The following BTBD7 variants were observed in gnomAD, a reference collection of about 807,000 sequenced individuals.
BTBD7 encodes the protein BTB domain containing 7, also known as BTB/POZ domain-containing protein 7.
In BTBD7, 38 loss-of-function variants were observed where a neutral mutation model predicts 99.9. The ratio of observed to expected loss-of-function variants is 0.38; its 90% CI spans 0.29 to 0.50. The LOEUF is 0.50. BTBD7 is among the 20% of genes least tolerant of loss of function. BTBD7 has a pLI of 0.93. For missense variants in BTBD7, 1,170 were observed against 1,394.6 expected (o/e 0.84, Z 2.57); for synonymous variants, 520 against 511.4 (o/e 1.02, Z -0.23).
chr14:93,318,348 G>C (rs545921260), intron 1 of BTBD7, among the ~76,000 whole-genome samples: 1 of 152,154 alleles, frequency 6.6e-6, no homozygotes, highest in Non-Finnish European at 1.5e-5. Context: ...AGGCATGAGG[G>C]GGGCTTTTGG....
chr14:93,305,940 AG>A (rs1196841605), intron 1 of BTBD7, among the ~76,000 whole-genome samples: 1 of 152,322 alleles, frequency 6.6e-6, no homozygotes, highest in East Asian at 1.9e-4. Context: ...TAAAGCCACC[AG>A]CCCCATTATG....
In BTBD7 at chr14:93,245,897, C is replaced by T. The variant is rs370817738; in HGVS notation, c.2511G>A (p.Thr837=). 1.1e-5 allele frequency: 18 copies of T among 1,613,870 alleles called. No individual in the cohort carries two copies. Among genetic ancestry groups the T allele is most frequent in the African/African-American group, 4.0e-5 (3 of 74,910 alleles). The part of the protein sequence containing the change: ...CTSTAGLGRQ[T]VAAAAATTTS... Reference sequence around the variant, plus strand: ...TGGTGGTGGCGGCAGCAGCAGCCACCGTCTGTCTGCCCAGTCCTGCAGTGC... The same window carrying T: ...TGGTGGTGGCGGCAGCAGCAGCCACTGTCTGTCTGCCCAGTCCTGCAGTGC... Residue 837 remains threonine, a synonymous_variant, in exon 10 of 11, where the codon ACG becomes ACA. Transcript: ENST00000334746.
chr14:93,243,237 G>A (rs753794033), intron 10 of BTBD7, 149 bp from the exon 11 acceptor site: 14 of 729,486 alleles, frequency 1.9e-5, no homozygotes, highest in East Asian at 5.4e-5. Flanking sequence ...TCTGTCGCCC[G>A]GGCTGGAGTG....
At chr14:93,324,325 A>G (rs2053302940) in intron 1 of BTBD7, among the ~76,000 whole-genome samples, 1 of 151,922 alleles carries the variant, frequency 6.6e-6, no homozygotes, top group South Asian at 2.1e-4. Flanking sequence ...CAGAAGCCTG[A>G]AGCAGGAGGA....
chr14:93,285,482 CAA>C (rs1272218460), intron 3 of BTBD7, among the ~76,000 whole-genome samples: 1 of 152,084 alleles, frequency 6.6e-6, no homozygotes, highest in East Asian at 1.9e-4. Flanking sequence ...GATGAAAAAA[CAA>C]AATCTGCAGT....
intron 3 of BTBD7, among the ~76,000 whole-genome samples, chr14:93,268,274 G>A (rs568260021): frequency 2.0e-5 from 3 of 152,240 alleles, no homozygotes; most frequent in East Asian, 1.9e-4. Context: ...CCTTAGGTCA[G>A]GTGTTCCTCC....
intron 5 of BTBD7, among the ~76,000 whole-genome samples, chr14:93,259,254 A>T (rs553019716): frequency 3.0e-4 from 45 of 152,316 alleles, no homozygotes; most frequent in African/African-American, 1.0e-3. Context: ...CACAACCAAC[A>T]GCACTGTAAC....
At chr14:93,274,903 T>C (rs1344598705) in intron 3 of BTBD7, among the ~76,000 whole-genome samples, 22 of 152,178 alleles carry the variant, frequency 1.4e-4, no homozygotes, top group Non-Finnish European at 7.4e-5. Flanking sequence ...AGACTTTCAT[T>C]TAAAAAAATT....
intron 3 of BTBD7, among the ~76,000 whole-genome samples, chr14:93,292,028 A>G (rs2052862477): frequency 6.6e-6 from 1 of 152,092 alleles, no homozygotes; most frequent in South Asian, 2.1e-4. Context: ...CTCTACTAAA[A>G]ATACAGAAAT....
intron 1 of BTBD7, among the ~76,000 whole-genome samples, chr14:93,321,070 A>C (rs1217201088): frequency 1.3e-5 from 2 of 152,256 alleles, no homozygotes; most frequent in Non-Finnish European, 2.9e-5. Context: ...ATGAGCTTGT[A>C]ACCATGATTA....
At chr14:93,305,290 G>T (rs557531814) in intron 1 of BTBD7, among the ~76,000 whole-genome samples, 2 of 152,188 alleles carry the variant, frequency 1.3e-5, no homozygotes, top group Non-Finnish European at 2.9e-5. Context: ...GCTATTTAAA[G>T]AATCTTTGTT....
rs2052299902 is a variant in BTBD7, at chr14:93,245,932, C to T, written c.2476G>A (p.Asp826Asn). 6.2e-7 allele frequency: 1 copy of T among 1,614,154 alleles called. No individual in the cohort carries two copies. The highest frequency in any genetic ancestry group is 1.1e-5 in the South Asian group (1 of 91,070). The change falls in exon 10 of 11, where the codon GAT becomes AAT. Residue 826 changes from aspartate to asparagine, a missense_variant. Asp to Asn is a conservative substitution (Grantham distance 23). This residue lies in a region of BTBD7 where 495 missense variants were observed against 525.9 expected (regional missense o/e 0.94). Transcript: ENST00000334746. ...CCCAGTCCTGCAGTGCTGGTACAATCAGGCGGTGCAGCTTTCACACTCGGC... is the reference window on the plus strand; with the variant it reads ...CCCAGTCCTGCAGTGCTGGTACAATTAGGCGGTGCAGCTTTCACACTCGGC... The part of the protein sequence containing the change: ...YLPSVKAAPP[D>N]CTSTAGLGRQ...
intron 8 of BTBD7, among the ~76,000 whole-genome samples, chr14:93,251,124 G>A (rs538992271): frequency 6.6e-6 from 1 of 152,160 alleles, no homozygotes; most frequent in Non-Finnish European, 1.5e-5. Context: ...GCACATATGT[G>A]CTCCTAGCAT....
At chr14:93,283,773 A>G (rs2052747981) in intron 3 of BTBD7, among the ~76,000 whole-genome samples, 1 of 152,204 alleles carries the variant, frequency 6.6e-6, no homozygotes, top group Non-Finnish European at 1.5e-5. Context: ...GCTGGTCTCG[A>G]ACTCCTGGCC....
At chr14:93,249,464 C>T (rs2052348313) in intron 8 of BTBD7, among the ~76,000 whole-genome samples, 1 of 151,980 alleles carries the variant, frequency 6.6e-6, no homozygotes, top group Admixed American at 6.6e-5. Flanking sequence ...TAAATTGTAC[C>T]CTGTGCACAA....
At chr14:93,293,792 G>C in intron 3 of BTBD7, 66 bp downstream of exon 3, 1 of 1,521,182 alleles carries the variant, frequency 6.6e-7, no homozygotes, top group Non-Finnish European at 8.8e-7. Flanking sequence ...TATACTGGTT[G>C]TGTTTTCAAT....
Position 93,242,369 on chromosome 14 carries a change from A to C in BTBD7, c.3303T>G (p.Ala1101=), listed in dbSNP as rs556897574. 75 of 1,614,110 alleles carry C rather than the reference A, an allele frequency of 4.6e-5. 2 individuals carry two copies. The South Asian group carries it at 7.5e-4, about 16-fold the overall frequency. The change falls in exon 11 of 11, where the codon GCT becomes GCG. Residue 1101 remains alanine (A), a synonymous_variant. Transcript: ENST00000334746. The stretch of plus-strand genomic sequence containing the variant: ...CCCTTTCCAAATCTGTATTTCTCTG[A>C]GCTCCATGGCCCAGGGACTCACTGT... ...LADSESLGHG[A]QRNTDLERED...
intron 1 of BTBD7, 71 bp from the exon 2 acceptor site, chr14:93,296,228 G>C (rs2052925284): frequency 8.4e-7 from 1 of 1,187,420 alleles, no homozygotes; most frequent in South Asian, 2.9e-5. Context: ...TTTTTAAAAA[G>C]CTACTGAAAA....
intron 3 of BTBD7, among the ~76,000 whole-genome samples, chr14:93,292,854 A>G (rs901176180): frequency 2.0e-5 from 3 of 152,058 alleles, no homozygotes; most frequent in African/African-American, 7.2e-5. Context: ...CTATTTTTCA[A>G]TTTCTCAAAG....
Sources: allele counts gnomAD v4.1 joint callset (sites outside exome capture counted in the v4.1 genomes callset), GRCh38; gene constraint gnomAD v4.1.1; regional missense constraint gnomAD v4.1.1; transcripts MANE v1.5; gene names NCBI Gene and HGNC (gene_info 2026-07-23, HGNC 2026-07-21).